Variants in DNER observed in about 807,000 individuals in gnomAD.
DNER encodes delta and Notch-like epidermal growth factor-related receptor.
In DNER, 33 loss-of-function variants were observed where a neutral mutation model predicts 78.2. The observed-to-expected ratio is 0.42, with a 90% confidence interval of 0.32 to 0.56. The LOEUF (loss-of-function observed/expected upper bound fraction) is 0.56. DNER is among the 20% of genes least tolerant of loss of function. The pLI is 0.11. For missense variants in DNER, 918 were observed against 975.3 expected (o/e 0.94, Z 0.78); for synonymous variants, 417 against 384.8 (o/e 1.08, Z -0.98).
intron 6 of DNER, among the ~76,000 whole-genome samples, chr2:229,486,640 A>G (rs1260374543): frequency 6.6e-6 from 1 of 152,160 alleles, no homozygotes; most frequent in East Asian, 1.9e-4. Context: ...TATGGAGTGT[A>G]CCCTTTAATC....
At position 229,471,393 on chromosome 2, in the gene DNER, T is replaced by G. The variant is rs149718341; in HGVS notation, c.1261+5747A>C. On this transcript the variant is annotated intron_variant, in intron 7 of 12. Coordinates refer to ENST00000341772, the MANE Select transcript of DNER (RefSeq NM_139072.4). ...AGTTTTGTAAATGCTTGGAGCTTGT[T>G]GCAGTGGAATTTAACCTACAGGACC... Among the ~76,000 whole-genome samples, 314 of 152,272 alleles carry G rather than the reference T, an allele frequency of 2.1e-3. 2 individuals carry two copies. Among genetic ancestry groups the G allele is most frequent in the African/African-American group, 4.6e-3 (190 of 41,550 alleles).
chr2:229,395,897 CA>C (rs1197977769), intron 10 of DNER, among the ~76,000 whole-genome samples: 1 of 147,772 alleles, frequency 6.8e-6, no homozygotes, highest in African/African-American at 2.5e-5. Context: ...GACTCTGTCT[CA>C]AAAAAAAAGC....
intron 1 of DNER, among the ~76,000 whole-genome samples, chr2:229,626,168 C>T (rs1698340258): frequency 6.6e-6 from 1 of 152,156 alleles, no homozygotes; most frequent in Non-Finnish European, 1.5e-5. Flanking sequence ...ATCCGCCTGC[C>T]TCGGCCTCCC....
chr2:229,406,232 G>A (rs542268100), intron 10 of DNER, among the ~76,000 whole-genome samples: 2 of 152,268 alleles, frequency 1.3e-5, no homozygotes, highest in Non-Finnish European at 2.9e-5. Flanking sequence ...ACAGCAAGAT[G>A]CTCTCCAGTC....
intron 4 of DNER, among the ~76,000 whole-genome samples, chr2:229,582,743 C>T (rs779498431): frequency 1.3e-5 from 2 of 151,990 alleles, no homozygotes; most frequent in Non-Finnish European, 2.9e-5. Flanking sequence ...GGGTTCACAC[C>T]ATTCTCCTGC....
In DNER at chr2:229,447,533, G is replaced by T. The variant is rs267599244; in HGVS notation, c.1269C>A (p.Phe423Leu). ...GFTCQCPEGY[F>L]GSACEEKVDP... The stretch of plus-strand genomic sequence containing the variant: ...CCACCTTTTCTTCACAAGCAGATCC[G>T]AAGTATCCTGTGAAAAAACACATGA... Residue 423 changes from phenylalanine (F) to leucine (L), a missense_variant, in exon 8 of 13, where the codon TTC (phenylalanine) becomes TTA (leucine). Phe to Leu is a conservative substitution (Grantham distance 22). Transcript: ENST00000341772. 1 of 1,613,878 alleles carries T rather than the reference G, an allele frequency of 6.2e-7. No homozygotes were observed. Among genetic ancestry groups the T allele is most frequent in the Non-Finnish European group, 8.5e-7 (1 of 1,179,914 alleles).
intron 10 of DNER, among the ~76,000 whole-genome samples, chr2:229,389,810 T>C (rs1692978168): frequency 6.6e-6 from 1 of 152,244 alleles, no homozygotes. Context: ...AAATAAAATC[T>C]GTTGAACAAA....
intron 1 of DNER, among the ~76,000 whole-genome samples, chr2:229,697,398 T>A (rs921197884): frequency 2.6e-5 from 4 of 152,194 alleles, no homozygotes; most frequent in African/African-American, 9.7e-5. Context: ...CCTTTTGGGA[T>A]GGCAAACATG....
At chr2:229,710,121 G>A (rs1374395536) in intron 1 of DNER, among the ~76,000 whole-genome samples, 1 of 152,206 alleles carries the variant, frequency 6.6e-6, no homozygotes, top group African/African-American at 2.4e-5. Context: ...CTAACTCTAA[G>A]GTGAAGGTTC....
At chr2:229,597,402 T>G (rs1049174817) in intron 1 of DNER, among the ~76,000 whole-genome samples, 3 of 152,210 alleles carry the variant, frequency 2.0e-5, no homozygotes, top group Non-Finnish European at 4.4e-5. Flanking sequence ...CTGTATACAG[T>G]CAAGATTTTT....
At chr2:229,702,682 C>A (rs1559214863) in intron 1 of DNER, among the ~76,000 whole-genome samples, 1 of 152,020 alleles carries the variant, frequency 6.6e-6, no homozygotes, top group Admixed American at 6.6e-5. Context: ...CTTTGGGAGG[C>A]CGAGGCAGGC....
Position 229,591,755 on chromosome 2 carries a change from G to T in DNER, c.410C>A (p.Pro137His). The change falls in exon 2 of 13, where the codon CCC (proline) becomes CAC (histidine). Residue 137 changes from proline (P) to histidine (H), a missense_variant. By Grantham distance (77) the Pro-to-His change is moderately conservative. Coordinates refer to ENST00000341772, the MANE Select transcript of DNER (RefSeq NM_139072.4). The surrounding 1 kb of genome is among the most constrained non-coding windows in gnomAD (Gnocchi z 4.6). ...YEGPNCEQAL[P>H]SLPATGWTES... Reference sequence around the variant, plus strand: ...GGTCCAGCCAGTGGCTGGGAGACTGGGAAGTGCCTGTTCACAGTTGGGACC... The same window carrying T: ...GGTCCAGCCAGTGGCTGGGAGACTGTGAAGTGCCTGTTCACAGTTGGGACC... 2 of 1,614,184 alleles carry T rather than the reference G, an allele frequency of 1.2e-6. No individual in the cohort carries two copies. The highest frequency in any genetic ancestry group is 1.7e-6 in the Non-Finnish European group (2 of 1,180,022).
rs947586424 is a variant in DNER at position 229,546,893 on chromosome 2, A to C, written c.993+54T>G. On this transcript the variant is annotated intron_variant, in intron 5 of 12. Transcript: ENST00000341772. The stretch of plus-strand genomic sequence containing the variant: ...CACACACATACTTATGTATTTATTC[A>C]GGTAAATATTCATGTAAATATGTGT... The C allele has an allele frequency of 3.7e-6, 6 of 1,607,112 alleles. No homozygotes were observed. The African/African-American group carries it at 5.3e-5, about 14-fold the overall frequency.
chr2:229,700,305 T>TGTGTGTGTGTGA lies in DNER; in HGVS notation c.276+13842_276+13843insTCACACACACAC, dbSNP rs772545261. ...ATATATGTGTGTGTGTGTGTGTGTG[T>TGTGTGTGTGTGA]GTGTGTGTGTGTGTATAGGGGTCAG... On this transcript the variant is annotated intron_variant, in intron 1 of 12. Transcript: ENST00000341772. Among the ~76,000 whole-genome samples the TGTGTGTGTGTGA allele has an allele frequency of 1.2e-3, 182 of 150,510 alleles. 1 individual carries two copies. Among genetic ancestry groups the TGTGTGTGTGTGA allele is most frequent in the Non-Finnish European group, 2.3e-3 (153 of 67,500 alleles).
chr2:229,396,315 T>A (rs1693141425), intron 10 of DNER, among the ~76,000 whole-genome samples: 1 of 133,386 alleles, frequency 7.5e-6, no homozygotes, highest in Non-Finnish European at 1.7e-5. Flanking sequence ...ACTTTAGTAA[T>A]CTTTGGTAAC....
At chr2:229,588,349 G>A (rs1184302090) in intron 3 of DNER, 45 bp downstream of exon 3, 1 of 1,581,538 alleles carries the variant, frequency 6.3e-7, no homozygotes, top group Non-Finnish European at 8.7e-7. Flanking sequence ...CCACTTATAG[G>A]TCATAGCATC....
At position 229,448,114 on chromosome 2, in the gene DNER, C is replaced by T. The variant is rs182265887; in HGVS notation, c.1262-574G>A. Among the ~76,000 whole-genome samples, 143 of 151,988 alleles carry T rather than the reference C, an allele frequency of 9.4e-4. 1 individual carries two copies. The highest frequency in any genetic ancestry group is 3.2e-3 in the African/African-American group (131 of 41,452). Reference sequence around the variant, plus strand: ...CTGTTAACAGTTTCTTGAATATATGCTTTTTAAAAAGTTGATTGTTGTAAG... The same window carrying T: ...CTGTTAACAGTTTCTTGAATATATGTTTTTTAAAAAGTTGATTGTTGTAAG... On this transcript the variant is annotated intron_variant, in intron 7 of 12. Transcript: ENST00000341772.
intron 1 of DNER, among the ~76,000 whole-genome samples, chr2:229,700,892 C>CAA (rs1393123838): frequency 5.9e-5 from 4 of 67,666 alleles, no homozygotes; most frequent in African/African-American, 1.1e-4. Flanking sequence ...GACTCCGTCT[C>CAA]AAAAAAAAAA....
intron 1 of DNER, among the ~76,000 whole-genome samples, chr2:229,631,366 AGAG>A (rs1420814609): frequency 6.6e-6 from 1 of 152,236 alleles, no homozygotes; most frequent in Admixed American, 6.5e-5. Flanking sequence ...TTCTTGGAGC[AGAG>A]GTTTCTTTGA....
Sources: gnomAD v4.1 joint callset for allele counts (sites outside exome capture counted in the v4.1 genomes callset) on GRCh38, gnomAD v4.1.1 for gene constraint, Gnocchi (gnomAD v3.1) non-coding constraint, MANE v1.5 for transcripts, NCBI Gene and HGNC (gene_info 2026-07-23, HGNC 2026-07-21) for gene names.